Variants in DNAJA1 observed in about 807,000 individuals in gnomAD.
DNAJA1 encodes DnaJ heat shock protein family (Hsp40) member A1.
In DNAJA1, 26 loss-of-function variants were observed where a neutral mutation model predicts 47.6. The ratio of observed to expected loss-of-function variants is 0.55; its 90% CI spans 0.40 to 0.76. DNAJA1 has a LOEUF of 0.76. DNAJA1 is among the 30% of genes least tolerant of loss of function. DNAJA1 has a pLI of 0.00. For synonymous variants in DNAJA1, 165 were observed against 158.4 expected (o/e 1.04, Z -0.31); for missense variants, 315 against 485.0 (o/e 0.65, Z 3.29).
At chr9:33,030,799 G>C in intron 5 of DNAJA1, 132 bp downstream of exon 5, 1 of 792,062 alleles carries the variant, frequency 1.3e-6, no homozygotes, top group East Asian at 2.7e-5. Context: ...ACTCTTAGCA[G>C]CTTAGTAAAT....
chr9:33,035,322 A>G (rs1048598768), intron 6 of DNAJA1, among the ~76,000 whole-genome samples: 2 of 152,102 alleles, frequency 1.3e-5, no homozygotes, highest in African/African-American at 2.4e-5. Flanking sequence ...AGATGGCGCC[A>G]TTGCACTCCA....
intron 6 of DNAJA1, among the ~76,000 whole-genome samples, chr9:33,035,499 C>G (rs532821648): frequency 1.1e-4 from 16 of 151,908 alleles, no homozygotes; most frequent in South Asian, 2.1e-4. Flanking sequence ...GATGCAGTTT[C>G]GCTCAACAGG....
intron 3 of DNAJA1, 107 bp from the exon 4 acceptor site, chr9:33,029,778 G>C: frequency 1.2e-6 from 1 of 816,186 alleles, no homozygotes; most frequent in South Asian, 1.8e-5. Flanking sequence ...GATGTACCCT[G>C]TGAGGCTCAT....
In DNAJA1 at chr9:33,036,740, C is replaced by T. The variant is rs753198194; in HGVS notation, c.874+51C>T. On this transcript the variant is annotated intron_variant, in intron 7 of 8. Transcript: ENST00000330899. ...TTCTCTTTTCTATTCTAGTATTTTC[C>T]TTGTCTCCTGTTAACAAAGTGTAGT... 9 of 1,378,696 alleles carry T rather than the reference C, an allele frequency of 6.5e-6. No homozygotes were observed. In the East Asian group the frequency reaches 1.6e-4, roughly 25 times the overall value. 85.4% of individuals were successfully genotyped at this position (1,378,696 alleles called of 1,614,324 possible).
chr9:33,035,344 A>G (rs1219431550), intron 6 of DNAJA1, among the ~76,000 whole-genome samples: 1 of 152,186 alleles, frequency 6.6e-6, no homozygotes, highest in Non-Finnish European at 1.5e-5. Flanking sequence ...CCTGGGCAAA[A>G]AGAGCAAAAC....
intron 7 of DNAJA1, 151 bp from the exon 8 acceptor site, chr9:33,036,864 T>G: frequency 1.2e-6 from 1 of 826,786 alleles, no homozygotes; most frequent in Non-Finnish European, 1.9e-6. Context: ...TGTCAGCCCT[T>G]GGAAAACCCA....
intron 6 of DNAJA1, 73 bp from the exon 7 acceptor site, chr9:33,036,498 CAAA>C (rs1450631086): frequency 2.1e-6 from 2 of 955,852 alleles, no homozygotes; most frequent in East Asian, 5.2e-5. Context: ...TTTTATTAAA[CAAA>C]AAAACAGCCT....
At chr9:33,030,318 G>T in intron 4 of DNAJA1, 122 bp from the exon 5 acceptor site, 2 of 871,012 alleles carry the variant, frequency 2.3e-6, no homozygotes, top group Non-Finnish European at 3.5e-6. Flanking sequence ...CATTCAGAGG[G>T]TAGCATTCCA....
In DNAJA1 at chr9:33,038,988, TTGC is replaced by T; in HGVS notation, c.*87_*89del. The T allele has an allele frequency of 8.0e-7, 1 of 1,253,460 alleles. No homozygotes were observed. Among genetic ancestry groups the T allele is most frequent in the Non-Finnish European group, 1.1e-6 (1 of 895,992 alleles). 77.6% of individuals were successfully genotyped at this position (1,253,460 alleles called of 1,614,324 possible). A position where few individuals can be genotyped will look rare whatever the true frequency, so the allele number is the denominator to read the frequency against. Reference sequence around the variant, plus strand: ...ACTGTAATCATAATATGCTCACTACTTGCTCTTGTTTTTGTTTTAATAAACTAT... The same window carrying T: ...ACTGTAATCATAATATGCTCACTACTTCTTGTTTTTGTTTTAATAAACTAT... On this transcript the variant is annotated 3_prime_UTR_variant, in exon 9 of 9. Coordinates refer to ENST00000330899, the MANE Select transcript of DNAJA1 (RefSeq NM_001539.4).
intron 3 of DNAJA1, among the ~76,000 whole-genome samples, chr9:33,027,726 T>G (rs993251802): frequency 6.6e-6 from 1 of 151,952 alleles, no homozygotes; most frequent in African/African-American, 2.4e-5. Flanking sequence ...GGTGGGCATC[T>G]GCAATCCCAG....
At chr9:33,026,113 T>A (rs1263629655) in intron 1 of DNAJA1, among the ~76,000 whole-genome samples, 1 of 152,214 alleles carries the variant, frequency 6.6e-6, no homozygotes, top group African/African-American at 2.4e-5. Flanking sequence ...ACAGTGATAG[T>A]GTAATGACCG....
At position 33,026,631 on chromosome 9, in the gene DNAJA1, CTCTTAAA is replaced by C. The variant is rs1487574075; in HGVS notation, c.132+16_132+22del. On this transcript the variant is annotated intron_variant, in intron 2 of 8. Transcript: ENST00000330899. ...AAGGAGAGAAGGTGAATAGTATCTA[CTCTTAAA>C]CGTATCTGAATAGTTCTTTGCCAGA... 1.4e-5 allele frequency: 23 copies of C among 1,595,560 alleles called. No individual in the cohort carries two copies. Among genetic ancestry groups the C allele is most frequent in the Non-Finnish European group, 1.9e-5 (22 of 1,175,138 alleles).
chr9:33,030,162 A>T (rs1838938351), intron 4 of DNAJA1, among the ~76,000 whole-genome samples, 173 bp downstream of exon 4: 2 of 152,210 alleles, frequency 1.3e-5, no homozygotes, highest in African/African-American at 2.4e-5. Context: ...CCTCCCACCT[A>T]AAGAAATATC....
chr9:33,030,118 G>A lies in DNAJA1; in HGVS notation c.415+129G>A, dbSNP rs1019758240. 5 of 869,636 alleles carry A rather than the reference G, an allele frequency of 5.7e-6. No individual in the cohort carries two copies. The Admixed American group carries it at 9.4e-5, about 16-fold the overall frequency. The allele number at this position is 869,636 out of a possible 1,614,324, so 53.9% of individuals were successfully genotyped here. A position where few individuals can be genotyped will look rare whatever the true frequency, so the allele number is the denominator to read the frequency against. On this transcript the variant is annotated intron_variant, in intron 4 of 8. Transcript: ENST00000330899. ...TGTACACTACCTAGATTTTGGGGGAGGAGAGGGCAGATATGAAGAAAACCA... is the reference window on the plus strand; with the variant it reads ...TGTACACTACCTAGATTTTGGGGGAAGAGAGGGCAGATATGAAGAAAACCA...
chr9:33,035,155 T>C (rs779900695), intron 6 of DNAJA1, among the ~76,000 whole-genome samples: 4 of 151,920 alleles, frequency 2.6e-5, no homozygotes, highest in East Asian at 1.9e-4. Context: ...CCCAACACTT[T>C]AGGAGGCCGA....
chr9:33,031,140 G>A (rs10971347), intron 5 of DNAJA1, among the ~76,000 whole-genome samples: 38,244 of 152,132 alleles, frequency 0.25, 4,928 homozygotes, highest in Middle Eastern at 0.31. Context: ...TGTTTCCCAG[G>A]CTGGAGTGTG....
At chr9:33,035,300 C>T (rs927650371) in intron 6 of DNAJA1, among the ~76,000 whole-genome samples, 12 of 151,410 alleles carry the variant, frequency 7.9e-5, no homozygotes, top group Admixed American at 2.0e-4. Flanking sequence ...AGGCAGAGGT[C>T]GCGGTGAGTT....
intron 3 of DNAJA1, 108 bp from the exon 4 acceptor site, chr9:33,029,777 T>C: frequency 2.5e-6 from 2 of 800,758 alleles, no homozygotes; most frequent in East Asian, 2.7e-5. Context: ...AGATGTACCC[T>C]GTGAGGCTCA....
chr9:33,037,325 A>C (rs796149228), intron 8 of DNAJA1: 20 of 342,204 alleles, frequency 5.8e-5, no homozygotes, highest in African/African-American at 2.1e-4. Context: ...AACAAAAAAA[A>C]AAAAAAATTA....
Sources: gnomAD v4.1 joint callset for allele counts (sites outside exome capture counted in the v4.1 genomes callset) on GRCh38, gnomAD v4.1.1 for gene constraint, MANE v1.5 for transcripts, NCBI Gene and HGNC (gene_info 2026-07-23, HGNC 2026-07-21) for gene names.